SETX: variants seen among roughly 807,000 people sequenced by gnomAD.
SETX encodes the protein helicase senataxin.
Under a neutral mutation model 227.2 loss-of-function variants are expected in SETX, and 90 were observed. The ratio of observed to expected loss-of-function variants is 0.40; its 90% CI spans 0.33 to 0.47. The LOEUF (loss-of-function observed/expected upper bound fraction) is 0.47, where lower values mean the gene tolerates loss of function less well. Among genes scored for constraint, SETX ranks in the 20% least tolerant of loss-of-function variants. The pLI is 0.91. For missense variants in SETX, 3,052 were observed against 3,181.5 expected, an observed-to-expected ratio of 0.96 and a Z score of 0.98; for synonymous variants, 1,210 against 1,113.2, an observed-to-expected ratio of 1.09 and a Z score of -1.73.
chr9:132,295,587 C>G (rs1352403795), intron 15 of SETX, among the ~76,000 whole-genome samples: 1 of 152,340 alleles, frequency 6.6e-6, no homozygotes, highest in Middle Eastern at 3.4e-3. Flanking sequence ...TGGAACACCC[C>G]ACATTTTAGC....
Position 132,264,152 on chromosome 9 carries a change from A to C in SETX, c.*87T>G. ...CCAACAGCACACAAACTCCTTACAA[A>C]AAACAAGCTTATCTAGATGGTCCCA... On this transcript the variant is annotated 3_prime_UTR_variant, in exon 26 of 26. Transcript: ENST00000224140. 1 of 1,591,864 alleles carries C rather than the reference A, an allele frequency of 6.3e-7. No individual in the cohort carries two copies. Among genetic ancestry groups the C allele is most frequent in the Non-Finnish European group, 8.6e-7 (1 of 1,169,484 alleles).
chr9:132,331,250 T>C, intron 8 of SETX, 27 bp downstream of exon 8: 1 of 1,613,696 alleles, frequency 6.2e-7, no homozygotes, highest in Non-Finnish European at 8.5e-7. Flanking sequence ...GAGATGATGT[T>C]TAAATCCTGA....
intron 15 of SETX, among the ~76,000 whole-genome samples, chr9:132,289,697 T>C (rs1022584171): frequency 1.3e-5 from 2 of 152,198 alleles, no homozygotes; most frequent in African/African-American, 2.4e-5. Context: ...CTTTTAAAAC[T>C]ATGTTCCACA....
chr9:132,265,622 TAAA>T (rs1564465517), intron 25 of SETX, among the ~76,000 whole-genome samples: 4 of 152,282 alleles, frequency 2.6e-5, no homozygotes, highest in Middle Eastern at 3.4e-3. Context: ...TAAATTAAAA[TAAA>T]AAATTCTGTT....
Position 132,328,913 on chromosome 9 carries a change from T to C in SETX, c.2685A>G (p.Glu895=), listed in dbSNP as rs1191246334. 1.2e-6 allele frequency: 2 copies of C among 1,613,600 alleles called. No homozygotes were observed. Among genetic ancestry groups the C allele is most frequent in the Non-Finnish European group, 1.7e-6 (2 of 1,179,888 alleles). ...KIQEFHVDGK[E]LIPFTEMTNA... is the part of the protein sequence containing the mutation. ...TGGTCATTTCTGTAAAAGGGATCAA[T>C]TCTTTACCATCAACATGAAATTCCT... The change falls in exon 10 of 26, where the codon GAA becomes GAG. Residue 895 remains glutamate (E), a synonymous_variant. Transcript: ENST00000224140.
intron 24 of SETX, among the ~76,000 whole-genome samples, chr9:132,270,558 T>C (rs1842858261): frequency 6.6e-6 from 1 of 152,244 alleles, no homozygotes; most frequent in Non-Finnish European, 1.5e-5. Context: ...GAAGAATTCC[T>C]ATTAAAAACA....
intron 15 of SETX, among the ~76,000 whole-genome samples, chr9:132,294,567 G>A (rs1343215556): frequency 2.6e-5 from 4 of 152,206 alleles, no homozygotes; most frequent in Non-Finnish European, 5.9e-5. Flanking sequence ...TGATACAAAG[G>A]AAAATGTGTG....
intron 10 of SETX, among the ~76,000 whole-genome samples, chr9:132,316,206 T>C (rs1452192209): frequency 6.6e-6 from 1 of 152,232 alleles, no homozygotes; most frequent in Non-Finnish European, 1.5e-5. Context: ...TCACCTGTTA[T>C]TTTAACTTCC....
At chr9:132,271,152 CAAT>C (rs1013914269) in intron 24 of SETX, among the ~76,000 whole-genome samples, 2 of 152,172 alleles carry the variant, frequency 1.3e-5, no homozygotes, top group Non-Finnish European at 2.9e-5. Flanking sequence ...ACACAGAAAA[CAAT>C]GACACTTTGA....
intron 6 of SETX, among the ~76,000 whole-genome samples, chr9:132,335,622 C>G (rs566924016): frequency 6.6e-6 from 1 of 151,916 alleles, no homozygotes; most frequent in African/African-American, 2.4e-5. Flanking sequence ...GGACTACAGG[C>G]GTGCACCACC....
Position 132,330,255 on chromosome 9 carries a change from T to A in SETX, c.1343A>T (p.Asp448Val). ...TTCAGTGACTTTGTCACACACAGCA[T>A]CTGTTTGGTTGAGGACTTCTTTGAC... ...SEVKEVLNQT[D>V]AVCDKVTEFF... Residue 448 changes from aspartate (D) to valine (V), a missense_variant, in exon 10 of 26, where the codon GAT (aspartate) becomes GTT (valine). Physicochemically the swap from Asp to Val is radical, Grantham distance 152. This residue lies in a region of SETX where 179 missense variants were observed against 197.1 expected (regional missense o/e 0.91). Transcript: ENST00000224140. 6.3e-7 allele frequency: 1 copy of A among 1,578,894 alleles called. No individual in the cohort carries two copies. Among genetic ancestry groups the A allele is most frequent in the Non-Finnish European group, 8.6e-7 (1 of 1,161,476 alleles).
At chr9:132,282,299 ATTTT>A (rs148335455) in intron 19 of SETX, among the ~76,000 whole-genome samples, 1 of 139,578 alleles carries the variant, frequency 7.2e-6, no homozygotes, top group Non-Finnish European at 1.6e-5. Flanking sequence ...TTTTTAACTT[ATTTT>A]TTTTTTTTTT....
At position 132,298,154 on chromosome 9, in the gene SETX, C is replaced by T; in HGVS notation, c.5707G>A (p.Ala1903Thr). The T allele has an allele frequency of 1.9e-6, 3 of 1,614,068 alleles. No homozygotes were observed. In the East Asian group the frequency reaches 6.7e-5, roughly 36 times the overall value. ...GGGTTTGGATTCAGAACAGCTCTAGCCAGTTGGTTCCGACTACCCAACAGA... is the reference window on the plus strand; with the variant it reads ...GGGTTTGGATTCAGAACAGCTCTAGTCAGTTGGTTCCGACTACCCAACAGA... ...MSLLGSRNQL[A>T]RAVLNPNPMD... The change falls in exon 13 of 26, where the codon GCT becomes ACT. Residue 1903 changes from alanine to threonine, a missense_variant. Transcript: ENST00000224140.
At chr9:132,353,828 G>A (rs889625527) in intron 1 of SETX, 73 bp from the exon 2 acceptor site, 1 of 152,122 alleles carries the variant, frequency 6.6e-6, no homozygotes, top group African/African-American at 2.4e-5. Flanking sequence ...GCCTGGTATC[G>A]ATCCTATTAC....
At chr9:132,352,320 T>A (rs74386852) in intron 2 of SETX, among the ~76,000 whole-genome samples, 123 of 152,340 alleles carry the variant, frequency 8.1e-4, no homozygotes, top group South Asian at 1.4e-3. Flanking sequence ...TTGTTACTCA[T>A]ATAAATGCTA....
Position 132,329,910 on chromosome 9 carries a change from T to C in SETX, c.1688A>G (p.Asn563Ser). Residue 563 changes from asparagine (N) to serine (S), a missense_variant, in exon 10 of 26, where the codon AAC becomes AGC. By Grantham distance (46) the Asn-to-Ser change is conservative. Transcript: ENST00000224140. ...AGATAAATTTCCTCTAAGGAATAAG[T>C]TGAGCTTATCCCAGAATCGCTTGCA... ...SLCKRFWDKL[N>S]LFLRGNLSLG... 1 of 1,614,190 alleles carries C rather than the reference T, an allele frequency of 6.2e-7. No individual in the cohort carries two copies. Among genetic ancestry groups the C allele is most frequent in the Non-Finnish European group, 8.5e-7 (1 of 1,180,022 alleles).
intron 13 of SETX, among the ~76,000 whole-genome samples, chr9:132,297,348 C>T (rs1280947304): frequency 3.3e-5 from 5 of 152,186 alleles, no homozygotes; most frequent in Admixed American, 3.3e-4. Context: ...CAATAAATTG[C>T]ATTTACTAAT....
At chr9:132,290,044 A>G (rs1368103862) in intron 15 of SETX, among the ~76,000 whole-genome samples, 1 of 151,926 alleles carries the variant, frequency 6.6e-6, no homozygotes, top group Non-Finnish European at 1.5e-5. Context: ...CCCCATTTCT[A>G]CTAAAAATAA....
intron 10 of SETX, among the ~76,000 whole-genome samples, chr9:132,321,175 T>C (rs950360946): frequency 1.3e-5 from 2 of 152,152 alleles, no homozygotes; most frequent in African/African-American, 2.4e-5. Context: ...AGGTAAAATA[T>C]GTGACGATTC....
Sources: gnomAD v4.1 joint callset for allele counts (sites outside exome capture counted in the v4.1 genomes callset) on GRCh38, gnomAD v4.1.1 for gene constraint, gnomAD v4.1.1 regional missense constraint, MANE v1.5 for transcripts, NCBI Gene and HGNC (gene_info 2026-07-23, HGNC 2026-07-21) for gene names.